TDRD5: variants seen among roughly 807,000 people sequenced by gnomAD.
The protein encoded by TDRD5 is tudor domain containing 5.
A neutral mutation model predicts 120.6 loss-of-function variants in TDRD5; 41 were observed. That is an observed-to-expected ratio of 0.34 (90% CI 0.26 to 0.44). TDRD5 has a LOEUF of 0.44. TDRD5 is among the 20% of genes least tolerant of loss of function. The probability of loss-of-function intolerance (pLI) is 1.00; values close to 1 mark genes in which losing one functional copy is unlikely to be tolerated. For missense variants in TDRD5, 1,006 were observed against 1,221.2 expected (o/e 0.82, Z 2.63); for synonymous variants, 430 against 433.7 (o/e 0.99, Z 0.11).
At chr1:179,669,628 G>A (rs1315426715) in intron 17 of TDRD5, among the ~76,000 whole-genome samples, 2 of 152,012 alleles carry the variant, frequency 1.3e-5, no homozygotes, top group Non-Finnish European at 2.9e-5. Context: ...GGGGTGGGGC[G>A]TCCCATTTAT....
At chr1:179,671,884 A>C (rs1679871694) in intron 17 of TDRD5, among the ~76,000 whole-genome samples, 1 of 151,752 alleles carries the variant, frequency 6.6e-6, no homozygotes, top group Admixed American at 6.6e-5. Context: ...AATAGTCTCG[A>C]ATTCCATCCA....
In TDRD5 at chr1:179,605,208, G is replaced by T. The variant is rs577958710; in HGVS notation, c.831+9390G>T. Among the ~76,000 whole-genome samples the T allele has an allele frequency of 2.0e-5, 3 of 152,118 alleles. No homozygotes were observed. In the East Asian group the frequency reaches 5.8e-4, roughly 29 times the overall value. ...GAATACTTACCCTTGCTTGCTTTTG[G>T]TGTCCATTTGCATGAAATGCCTTTT... On this transcript the variant is annotated intron_variant, in intron 4 of 17. Transcript: ENST00000444136.
chr1:179,606,758 A>C (rs1364306287), intron 4 of TDRD5, among the ~76,000 whole-genome samples: 5 of 151,996 alleles, frequency 3.3e-5, no homozygotes, highest in Non-Finnish European at 5.9e-5. Context: ...AGTTCACTGT[A>C]TTTATGTGAG....
chr1:179,687,801 C>T (rs573263836), intron 17 of TDRD5, among the ~76,000 whole-genome samples: 1 of 151,656 alleles, frequency 6.6e-6, no homozygotes, highest in Non-Finnish European at 1.5e-5. Context: ...TATGTAATGG[C>T]CTTCTTTGTC....
chr1:179,612,213 A>T (rs1676317827), intron 4 of TDRD5, among the ~76,000 whole-genome samples: 1 of 152,306 alleles, frequency 6.6e-6, no homozygotes, highest in South Asian at 2.1e-4. Flanking sequence ...AAGAAAAAAA[A>T]GTTTTTCCTT....
At chr1:179,660,865 G>C (rs1679273429) in intron 14 of TDRD5, among the ~76,000 whole-genome samples, 1 of 152,022 alleles carries the variant, frequency 6.6e-6, no homozygotes, top group African/African-American at 2.4e-5. Flanking sequence ...AATTATTTTT[G>C]AGTAGGTATG....
chr1:179,595,217 T>C (rs1675324891), intron 3 of TDRD5, among the ~76,000 whole-genome samples: 1 of 152,188 alleles, frequency 6.6e-6, no homozygotes, highest in African/African-American at 2.4e-5. Flanking sequence ...TTTTATTCTG[T>C]AGCTTTTCAT....
Position 179,690,987 on chromosome 1 carries a change from G to A in TDRD5, c.*44G>A. 6.4e-7 allele frequency: 1 copy of A among 1,570,220 alleles called. No individual in the cohort carries two copies. The highest frequency in any genetic ancestry group is 8.6e-7 in the Non-Finnish European group (1 of 1,160,792). ...AGAAAAACAGAATCCAGCCGCTTAG[G>A]CTTTGATGAACTCCCAGGCCAAAAT... On this transcript the variant is annotated 3_prime_UTR_variant, in exon 18 of 18. Coordinates refer to ENST00000444136, the MANE Select transcript of TDRD5 (RefSeq NM_001199085.3).
chr1:179,651,080 G>A lies in TDRD5; in HGVS notation c.2001+13G>A. 6.2e-7 allele frequency: 1 copy of A among 1,612,902 alleles called. No homozygotes were observed. The highest frequency in any genetic ancestry group is 1.7e-4 in the Middle Eastern group (1 of 6,056). The stretch of plus-strand genomic sequence containing the variant: ...TATCTCTTCTAAGGTGGAGCAGTCT[G>A]GATGTATTTTGTAATATATTTTGTT... On this transcript the variant is annotated intron_variant, in intron 12 of 17. Transcript: ENST00000444136.
At chr1:179,608,071 G>T (rs1676073835) in intron 4 of TDRD5, among the ~76,000 whole-genome samples, 1 of 151,936 alleles carries the variant, frequency 6.6e-6, no homozygotes. Context: ...TCTATCTGGT[G>T]TGATAGTTTT....
At chr1:179,596,800 A>G (rs931640479) in intron 4 of TDRD5, among the ~76,000 whole-genome samples, 1 of 152,190 alleles carries the variant, frequency 6.6e-6, no homozygotes, top group Non-Finnish European at 1.5e-5. Context: ...GTATGGCCAT[A>G]GTTCATTTCT....
At chr1:179,641,533 GAAAA>G (rs919225465) in intron 11 of TDRD5, among the ~76,000 whole-genome samples, 1 of 143,452 alleles carries the variant, frequency 7.0e-6, no homozygotes, top group African/African-American at 2.6e-5. Flanking sequence ...CTCCGTCTCA[GAAAA>G]AAAAAAGAAG....
At chr1:179,621,152 G>T in intron 6 of TDRD5, 61 bp downstream of exon 6, 1 of 1,464,880 alleles carries the variant, frequency 6.8e-7, no homozygotes, top group South Asian at 1.3e-5. Flanking sequence ...TGTGATAGAT[G>T]GAATTTTGTG....
At chr1:179,651,728 A>G (rs1196612758) in intron 12 of TDRD5, among the ~76,000 whole-genome samples, 1 of 152,160 alleles carries the variant, frequency 6.6e-6, no homozygotes, top group Non-Finnish European at 1.5e-5. Context: ...CCTGGCTAAC[A>G]CAGTGAAACC....
intron 17 of TDRD5, among the ~76,000 whole-genome samples, chr1:179,678,653 C>T (rs1680263774): frequency 6.6e-6 from 1 of 152,118 alleles, no homozygotes; most frequent in Non-Finnish European, 1.5e-5. Flanking sequence ...TTAAATTTAT[C>T]CCTAAGTAAT....
chr1:179,663,123 C>A (rs1679396038), intron 15 of TDRD5, among the ~76,000 whole-genome samples: 1 of 152,124 alleles, frequency 6.6e-6, no homozygotes, highest in Non-Finnish European at 1.5e-5. Context: ...AAAGGAAAGA[C>A]TACAAACAGA....
intron 11 of TDRD5, among the ~76,000 whole-genome samples, chr1:179,644,541 T>A (rs1030678099): frequency 5.3e-5 from 8 of 152,150 alleles, no homozygotes; most frequent in African/African-American, 1.9e-4. Flanking sequence ...TTTCAACTTT[T>A]ACCACCCCAA....
chr1:179,689,325 C>A (rs1436649601), intron 17 of TDRD5, among the ~76,000 whole-genome samples: 1 of 152,218 alleles, frequency 6.6e-6, no homozygotes, highest in Non-Finnish European at 1.5e-5. Context: ...CCACTCCACA[C>A]CCTGTTTGCC....
At chr1:179,601,716 C>T (rs573016046) in intron 4 of TDRD5, among the ~76,000 whole-genome samples, 1 of 152,312 alleles carries the variant, frequency 6.6e-6, no homozygotes, top group African/African-American at 2.4e-5. Context: ...ATTTGTGCTG[C>T]TATAAATGTG....
Sources: gnomAD v4.1 joint callset for allele counts (sites outside exome capture counted in the v4.1 genomes callset) on GRCh38, gnomAD v4.1.1 for gene constraint, MANE v1.5 for transcripts, NCBI Gene and HGNC (gene_info 2026-07-23, HGNC 2026-07-21) for gene names.